SDK1: variants seen among roughly 807,000 people sequenced by gnomAD.
SDK1 encodes the protein sidekick cell adhesion molecule 1, also known as protein sidekick-1.
Under a neutral mutation model 245.5 loss-of-function variants are expected in SDK1, and 157 were observed. That is an observed-to-expected ratio of 0.64 (90% CI 0.56 to 0.73). The LOEUF (loss-of-function observed/expected upper bound fraction) is 0.73, where lower values mean the gene tolerates loss of function less well. Ranked by LOEUF, SDK1 falls within the 30% of genes least tolerant of loss-of-function variation. The pLI is 0.00. For missense variants in SDK1, 3,583 were observed against 3,002.3 expected (o/e 1.19, Z -4.52); for synonymous variants, 1,647 against 1,278.5 (o/e 1.29, Z -6.15).
chr7:3,572,344 G>A (rs927479536), intron 1 of SDK1, among the ~76,000 whole-genome samples: 1 of 152,000 alleles, frequency 6.6e-6, no homozygotes, highest in African/African-American at 2.4e-5. Flanking sequence ...CAGTGAAGAT[G>A]GAGAGCCCAT....
At chr7:3,309,542 TACATGAGTG>T (rs1779501088) in intron 1 of SDK1, among the ~76,000 whole-genome samples, 1 of 148,656 alleles carries the variant, frequency 6.7e-6, no homozygotes, top group African/African-American at 2.4e-5. Context: ...TTTTTTTTTT[TACATGAGTG>T]TATAAACTGT....
intron 4 of SDK1, among the ~76,000 whole-genome samples, chr7:3,754,142 C>G (rs1271814291): frequency 6.6e-6 from 1 of 152,158 alleles, no homozygotes; most frequent in Non-Finnish European, 1.5e-5. Context: ...GAAGTTGGCT[C>G]TTGGAGAGGT....
intron 1 of SDK1, among the ~76,000 whole-genome samples, chr7:3,420,012 A>C (rs1779494417): frequency 5.9e-5 from 9 of 152,216 alleles, no homozygotes; most frequent in Admixed American, 5.9e-4. Context: ...GAAACATGCC[A>C]CCCAAGCTTT....
At chr7:3,388,318 A>G (rs1019161361) in intron 1 of SDK1, among the ~76,000 whole-genome samples, 3 of 151,566 alleles carry the variant, frequency 2.0e-5, no homozygotes, top group Non-Finnish European at 2.9e-5. Context: ...ATGGAATCTC[A>G]TCTGTCAAAC....
intron 4 of SDK1, among the ~76,000 whole-genome samples, chr7:3,657,344 G>C (rs1246130904): frequency 6.6e-6 from 1 of 152,172 alleles, no homozygotes; most frequent in Non-Finnish European, 1.5e-5. Context: ...GTGTCTACAG[G>C]GTGGGTTCCC....
chr7:4,197,361 G>A (rs536171859), intron 35 of SDK1, among the ~76,000 whole-genome samples: 13 of 152,146 alleles, frequency 8.5e-5, no homozygotes, highest in Non-Finnish European at 1.9e-4. Context: ...AGTGATGTAT[G>A]CCTTTAGTTC....
chr7:3,889,166 C>CTGAGATTCAATCAAATAT lies in SDK1; in HGVS notation c.848-61755_848-61738dup, dbSNP rs1453820016. Among the ~76,000 whole-genome samples the CTGAGATTCAATCAAATAT allele has an allele frequency of 2.6e-5, 4 of 152,246 alleles. No homozygotes were observed. The East Asian group carries it at 7.7e-4, about 29-fold the overall frequency. On this transcript the variant is annotated intron_variant, in intron 5 of 44. Coordinates refer to ENST00000404826, the MANE Select transcript of SDK1 (RefSeq NM_152744.4). ...TGAAAGTGATATCTAATCAATGCCT[C>CTGAGATTCAATCAAATAT]TGAGATTCAATCAAATATTAAGATC...
chr7:4,231,652 G>A (rs942459305), intron 40 of SDK1, among the ~76,000 whole-genome samples: 2 of 152,050 alleles, frequency 1.3e-5, no homozygotes, highest in Non-Finnish European at 2.9e-5. Flanking sequence ...GGGAAGATCA[G>A]TATTATACTA....
At chr7:3,630,523 T>C (rs963119613) in intron 2 of SDK1, among the ~76,000 whole-genome samples, 2 of 152,054 alleles carry the variant, frequency 1.3e-5, no homozygotes, top group Admixed American at 6.6e-5. Context: ...ATAATCCCAG[T>C]TAGTTGGGAG....
chr7:3,865,931 C>T (rs891150705), intron 5 of SDK1, among the ~76,000 whole-genome samples: 1 of 152,150 alleles, frequency 6.6e-6, no homozygotes, highest in African/African-American at 2.4e-5. Flanking sequence ...TACATAAACA[C>T]ACTTAAAGTG....
chr7:3,402,898 A>G (rs71527444), intron 1 of SDK1, among the ~76,000 whole-genome samples: 3,162 of 152,122 alleles, frequency 0.021, 43 homozygotes, highest in Non-Finnish European at 0.032. Context: ...AATTATGCAA[A>G]CTTTGGCTTA....
chr7:3,878,458 A>C (rs960864487), intron 5 of SDK1, among the ~76,000 whole-genome samples: 3 of 152,202 alleles, frequency 2.0e-5, no homozygotes, highest in African/African-American at 4.8e-5. Context: ...CGGAGCTTGC[A>C]GTGAGCCAAG....
chr7:3,550,501 T>G (rs756671278), intron 1 of SDK1, among the ~76,000 whole-genome samples: 4 of 152,208 alleles, frequency 2.6e-5, no homozygotes, highest in Non-Finnish European at 5.9e-5. Context: ...CACTGCTGGG[T>G]GCTCATTGCT....
intron 1 of SDK1, among the ~76,000 whole-genome samples, chr7:3,547,815 T>A (rs968455597): frequency 6.6e-6 from 1 of 152,240 alleles, no homozygotes; most frequent in Admixed American, 6.5e-5. Flanking sequence ...AACAGGCAGA[T>A]ACCCGTCAGC....
intron 5 of SDK1, among the ~76,000 whole-genome samples, chr7:3,851,095 C>T (rs1780408919): frequency 1.3e-5 from 2 of 152,278 alleles, no homozygotes; most frequent in African/African-American, 2.4e-5. Context: ...AAACCCCGTG[C>T]ATGCATGATT....
At chr7:3,820,881 A>G (rs1335415336) in intron 4 of SDK1, among the ~76,000 whole-genome samples, 1 of 152,232 alleles carries the variant, frequency 6.6e-6, no homozygotes. Context: ...ACATGGTGAG[A>G]TAGTACAGGT....
chr7:3,750,144 A>G lies in SDK1; in HGVS notation c.714-71306A>G, dbSNP rs111946915. Reference sequence around the variant, plus strand: ...ATGTTTGGTTATTTTGACTGGTTCAATTAAAAATCACTTCTTCGTATTTGT... The same window carrying G: ...ATGTTTGGTTATTTTGACTGGTTCAGTTAAAAATCACTTCTTCGTATTTGT... On this transcript the variant is annotated intron_variant, in intron 4 of 44. Coordinates refer to ENST00000404826, the MANE Select transcript of SDK1 (RefSeq NM_152744.4). 5.9e-3 allele frequency among the ~76,000 whole-genome samples: 903 copies of G among 152,358 alleles called. 9 individuals carry two copies. Among genetic ancestry groups the G allele is most frequent in the Middle Eastern group, 0.02 (6 of 294 alleles).
intron 22 of SDK1, among the ~76,000 whole-genome samples, chr7:4,108,311 A>G (rs1783084343): frequency 6.6e-6 from 1 of 152,168 alleles, no homozygotes; most frequent in Non-Finnish European, 1.5e-5. Flanking sequence ...CCCTTCTCCA[A>G]GATGAGTGTT....
chr7:3,322,363 AGTTT>A (rs1320246314), intron 1 of SDK1, among the ~76,000 whole-genome samples: 3 of 152,120 alleles, frequency 2.0e-5, no homozygotes, highest in East Asian at 3.8e-4. Context: ...TATGTGCCAC[AGTTT>A]GTTTATCCAT....
Sources: gnomAD v4.1 joint callset for allele counts (sites outside exome capture counted in the v4.1 genomes callset) on GRCh38, gnomAD v4.1.1 for gene constraint, MANE v1.5 for transcripts, NCBI Gene and HGNC (gene_info 2026-07-23, HGNC 2026-07-21) for gene names.